ZNF536: variants seen among roughly 807,000 people sequenced by gnomAD.
The protein encoded by ZNF536 is zinc finger protein 536.
Under a neutral mutation model 84.5 loss-of-function variants are expected in ZNF536, and 13 were observed. The ratio of observed to expected loss-of-function variants is 0.15; its 90% CI spans 0.10 to 0.24. The LOEUF (loss-of-function observed/expected upper bound fraction) is 0.24, where lower values mean the gene tolerates loss of function less well. ZNF536 is among the 10% of genes least tolerant of loss of function. ZNF536 has a pLI of 1.00. For missense variants in ZNF536, 1,536 were observed against 1,747.5 expected (o/e 0.88, Z 2.16); for synonymous variants, 811 against 742.5 (o/e 1.09, Z -1.50).
upstream of ZNF536, among the ~76,000 whole-genome samples, chr19:30,371,677 C>A (rs954350917): frequency 1.3e-5 from 2 of 149,488 alleles, no homozygotes; most frequent in African/African-American, 4.9e-5. Context: ...ATCTGGATAT[C>A]TGTAGGGGAA....
rs573859648 is a variant in ZNF536 at position 30,365,043 on chromosome 19, G to A, written c.-3+12559G>A. On this transcript the variant is annotated intron_variant, in intron 3 of 5. Transcript: ENST00000585628. The stretch of plus-strand genomic sequence containing the variant: ...CTTCCTGGTCAGAGGGTCAAGACCC[G>A]TGGCTTTTAAACATGCTTATATGAA... 6.8e-4 allele frequency among the ~76,000 whole-genome samples: 103 copies of A among 152,326 alleles called. No homozygotes were observed. In the Middle Eastern group the frequency reaches 0.01, roughly 15 times the overall value.
chr19:30,242,300 A>G (rs2023993457), intron 1 of ZNF536, among the ~76,000 whole-genome samples: 1 of 152,180 alleles, frequency 6.6e-6, no homozygotes, highest in South Asian at 2.1e-4. Flanking sequence ...CTCACAGGGT[A>G]GTTCCTGTTG....
At chr19:30,483,271 TC>T (rs1169132279) in intron 2 of ZNF536, among the ~76,000 whole-genome samples, 2 of 152,176 alleles carry the variant, frequency 1.3e-5, no homozygotes, top group Non-Finnish European at 2.9e-5. Context: ...GCAAGGTGGC[TC>T]CCCTTGGCAG....
At chr19:30,473,689 C>T (rs73552160) in intron 2 of ZNF536, among the ~76,000 whole-genome samples, 3,473 of 152,312 alleles carry the variant, frequency 0.023, 154 homozygotes, top group African/African-American at 0.079. Context: ...TATTACTCAC[C>T]TACTAAATGT....
chr19:30,346,529 C>G (rs963921851), intron 2 of ZNF536, among the ~76,000 whole-genome samples: 1 of 152,106 alleles, frequency 6.6e-6, no homozygotes, highest in African/African-American at 2.4e-5. Context: ...GTGTTTTGTT[C>G]CCCTCTCTGT....
chr19:30,480,424 C>A (rs1052416061), intron 2 of ZNF536, among the ~76,000 whole-genome samples: 5 of 152,108 alleles, frequency 3.3e-5, no homozygotes, highest in South Asian at 2.1e-4. Context: ...TTTTTACCAT[C>A]ATTCTCAGCA....
At chr19:30,246,576 C>T (rs969226587) in intron 1 of ZNF536, among the ~76,000 whole-genome samples, 3 of 152,168 alleles carry the variant, frequency 2.0e-5, no homozygotes, top group African/African-American at 7.2e-5. Context: ...CACACTGCCC[C>T]CGTCCCCACC....
chr19:30,592,516 A>G (rs1176088711), intron 1 of ZNF536, among the ~76,000 whole-genome samples: 1 of 152,146 alleles, frequency 6.6e-6, no homozygotes, highest in African/African-American at 2.4e-5. Context: ...TATTTTTGTC[A>G]AGCTAAAGAT....
At chr19:30,533,482 TGCACTCTA>T (rs995514749) in intron 2 of ZNF536, among the ~76,000 whole-genome samples, 1 of 151,484 alleles carries the variant, frequency 6.6e-6, no homozygotes, top group African/African-American at 2.4e-5. Flanking sequence ...ATTGTGCCAC[TGCACTCTA>T]GCTTGGGTGA....
intron 1 of ZNF536, among the ~76,000 whole-genome samples, chr19:30,635,613 A>G (rs947592199): frequency 6.6e-6 from 1 of 152,184 alleles, no homozygotes; most frequent in East Asian, 1.9e-4. Context: ...GGAGGCCCCA[A>G]GAGCTCCTGG....
chr19:30,538,667 C>T (rs2045193950), intron 3 of ZNF536, among the ~76,000 whole-genome samples: 1 of 152,152 alleles, frequency 6.6e-6, no homozygotes, highest in Non-Finnish European at 1.5e-5. Flanking sequence ...CTAAGGCCAT[C>T]AGATCCTGGA....
In ZNF536 at chr19:30,549,427, G is replaced by A. The variant is rs557025950; in HGVS notation, c.3808G>A (p.Ala1270Thr). 2.1e-4 allele frequency: 333 copies of A among 1,577,580 alleles called. 9 individuals carry two copies. In the South Asian group the frequency reaches 3.6e-3, roughly 17 times the overall value. ...KPMNMLSVLR[A>T]YSSDGLAAFN... ...GATGAACATGCTGTCGGTCCTCAGG[G>A]CCTACAGTTCTGATGGCTTAGCAGC... Residue 1270 changes from alanine to threonine, a missense_variant, in exon 4 of 5, where the codon GCC becomes ACC. Ala to Thr is a moderately conservative substitution (Grantham distance 58). Around this residue, in one of 8 missense-constraint regions of ZNF536, gnomAD observed 624 missense variants for 603.1 expected, o/e 1.03. Transcript: ENST00000355537.
intron 2 of ZNF536, among the ~76,000 whole-genome samples, chr19:30,534,318 G>T (rs2044979774): frequency 6.6e-6 from 1 of 152,138 alleles, no homozygotes; most frequent in African/African-American, 2.4e-5. Flanking sequence ...ATGGATACAA[G>T]ACTCTACAAG....
At chr19:30,436,661 G>A in intron 1 of ZNF536, 1 of 233,138 alleles carries the variant, frequency 4.3e-6, no homozygotes, top group Non-Finnish European at 7.0e-6. Context: ...AACAGTTTGA[G>A]CTACAACAAT....
intron 2 of ZNF536, among the ~76,000 whole-genome samples, chr19:30,326,254 C>T (rs1417566596): frequency 6.6e-6 from 1 of 152,142 alleles, no homozygotes; most frequent in Admixed American, 6.5e-5. Flanking sequence ...CCGGGCTTGG[C>T]GTCGCTCTGC....
chr19:30,575,493 C>T (rs549884897), intron 1 of ZNF536, among the ~76,000 whole-genome samples: 4 of 152,312 alleles, frequency 2.6e-5, no homozygotes, highest in South Asian at 2.1e-4. Context: ...GAGGGAGTAG[C>T]GACATCTGTC....
intron 1 of ZNF536, among the ~76,000 whole-genome samples, chr19:30,400,879 TA>T (rs2050018630): frequency 6.6e-6 from 1 of 152,222 alleles, no homozygotes; most frequent in South Asian, 2.1e-4. Context: ...TCCAATTTAT[TA>T]ATTTTTCCTT....
intron 1 of ZNF536, among the ~76,000 whole-genome samples, chr19:30,603,881 G>T (rs2146958735): frequency 6.6e-6 from 1 of 152,306 alleles, no homozygotes; most frequent in African/African-American, 2.4e-5. Context: ...CCTGAGATCA[G>T]GAGTTCGAGA....
At chr19:30,448,539 T>A (rs998108087) in intron 2 of ZNF536, among the ~76,000 whole-genome samples, 2 of 152,330 alleles carry the variant, frequency 1.3e-5, no homozygotes, top group African/African-American at 4.8e-5. Context: ...GTTTTACAAA[T>A]TTCTCAGACT....
Sources: allele counts gnomAD v4.1 joint callset (sites outside exome capture counted in the v4.1 genomes callset), GRCh38; gene constraint gnomAD v4.1.1; regional missense constraint gnomAD v4.1.1; transcripts MANE v1.5; gene names NCBI Gene and HGNC (gene_info 2026-07-23, HGNC 2026-07-21).